The following GTF2I variants were observed in gnomAD, a reference collection of about 807,000 sequenced individuals.
GTF2I encodes general transcription factor II-I.
In GTF2I, 12 loss-of-function variants were observed where a neutral mutation model predicts 67.6. The ratio of observed to expected loss-of-function variants is 0.18; its 90% CI spans 0.11 to 0.29. The LOEUF is 0.29. Ranked by LOEUF, GTF2I falls within the 10% of genes least tolerant of loss-of-function variation. The pLI is 1.00. For synonymous variants in GTF2I, 149 were observed against 197.0 expected, an observed-to-expected ratio of 0.76 and a Z score of 2.04; for missense variants, 271 against 580.1, an observed-to-expected ratio of 0.47 and a Z score of 5.47.
chr7:74,693,381 T>C (rs768924855), intron 3 of GTF2I, among the ~76,000 whole-genome samples: 16 of 150,514 alleles, frequency 1.1e-4, no homozygotes, highest in Non-Finnish European at 1.9e-4. Context: ...GTTCAAGGTA[T>C]TGAGATCAGT....
At chr7:74,668,173 C>CTTTTTTTT in intron 1 of GTF2I, among the ~76,000 whole-genome samples, 1 of 92,960 alleles carries the variant, frequency 1.1e-5, no homozygotes, top group Non-Finnish European at 2.0e-5. Flanking sequence ...TGGTGCAGAA[C>CTTTTTTTT]TTTTTTTTTT....
chr7:74,725,785 A>G (rs1159576465), intron 12 of GTF2I, among the ~76,000 whole-genome samples: 5 of 152,130 alleles, frequency 3.3e-5, no homozygotes, highest in South Asian at 4.2e-4. Flanking sequence ...GATATTTTCA[A>G]TATTTTACAG....
At chr7:74,669,683 G>A (rs587652200) in intron 1 of GTF2I, among the ~76,000 whole-genome samples, 6 of 151,526 alleles carry the variant, frequency 4.0e-5, no homozygotes, top group South Asian at 2.1e-4. Flanking sequence ...ACAGGTGCAC[G>A]CCACCATGCC....
At chr7:74,690,911 C>A in intron 2 of GTF2I, 62 bp from the exon 3 acceptor site, 2 of 1,467,792 alleles carry the variant, frequency 1.4e-6, no homozygotes, top group African/African-American at 1.4e-5. Context: ...TTTAATTCAT[C>A]GAGCAGAAAT....
At position 74,699,044 on chromosome 7, in the gene GTF2I, G is replaced by A. The variant is rs1053566327; in HGVS notation, c.322G>A (p.Glu108Lys). ...QANRMSVDAV[E>K]IETLRKTVED... ...AAATCGGATGAGTGTAGATGCTGTA[G>A]AAATTGAAACACTCAGAAAAACAGT... The change falls in exon 4 of 35, where the codon GAA becomes AAA. Residue 108 changes from glutamate (E) to lysine (K), a missense_variant. By Grantham distance (56) the Glu-to-Lys change is moderately conservative. This residue lies in a region of GTF2I where 72 missense variants were observed against 87.4 expected (regional missense o/e 0.82). Transcript: ENST00000573035. 1.9e-6 allele frequency: 3 copies of A among 1,555,130 alleles called. No individual in the cohort carries two copies. The highest frequency in any genetic ancestry group is 2.6e-6 in the Non-Finnish European group (3 of 1,146,770).
intron 1 of GTF2I, among the ~76,000 whole-genome samples, chr7:74,674,967 C>G (rs374211570): frequency 1.3e-3 from 198 of 152,276 alleles, no homozygotes; most frequent in African/African-American, 4.1e-3. Context: ...ATTCTCCTGC[C>G]TCAGTCTCCC....
At chr7:74,664,065 G>A (rs1804755773) in intron 1 of GTF2I, among the ~76,000 whole-genome samples, 2 of 152,050 alleles carry the variant, frequency 1.3e-5, no homozygotes, top group Non-Finnish European at 2.9e-5. Context: ...CTGACCTCAG[G>A]TGATCTGCCC....
intron 12 of GTF2I, among the ~76,000 whole-genome samples, chr7:74,725,053 T>G (rs587597814): frequency 2.1e-4 from 32 of 152,344 alleles, no homozygotes; most frequent in Non-Finnish European, 4.1e-4. Flanking sequence ...AAATGGTTGT[T>G]TATACTTTGG....
At chr7:74,690,474 A>C (rs1437168240) in intron 2 of GTF2I, among the ~76,000 whole-genome samples, 1 of 152,176 alleles carries the variant, frequency 6.6e-6, no homozygotes, top group Non-Finnish European at 1.5e-5. Context: ...TACACAGGGG[A>C]ATACTTCTGG....
intron 1 of GTF2I, among the ~76,000 whole-genome samples, chr7:74,687,033 A>C (rs1344003143): frequency 6.6e-6 from 1 of 150,776 alleles, no homozygotes; most frequent in South Asian, 2.1e-4. Flanking sequence ...GGAATTACAG[A>C]TGGTACACCA....
chr7:74,673,903 T>TC (rs1168633243), intron 1 of GTF2I, among the ~76,000 whole-genome samples: 2 of 151,602 alleles, frequency 1.3e-5, no homozygotes, highest in Non-Finnish European at 2.9e-5. Flanking sequence ...ATGGTCTAGA[T>TC]CTCTTGACCT....
rs1054453942 is a variant in GTF2I at position 74,687,512 on chromosome 7, C to G, written c.-5-1612C>G. Reference sequence around the variant, plus strand: ...GGCTGGGATTACAGGCGTGAGCCACCACGCCCAGTGGATTATGGTTTTTAT... The same window carrying G: ...GGCTGGGATTACAGGCGTGAGCCACGACGCCCAGTGGATTATGGTTTTTAT... On this transcript the variant is annotated intron_variant, in intron 1 of 34. Coordinates refer to ENST00000573035, the MANE Select transcript of GTF2I (RefSeq NM_032999.4). 70 of 980,440 alleles carry G rather than the reference C, an allele frequency of 7.1e-5. No individual in the cohort carries two copies. The African/African-American group carries it at 1.0e-3, about 14-fold the overall frequency. 60.7% of individuals were successfully genotyped at this position (980,440 alleles called of 1,614,324 possible). A position where few individuals can be genotyped will look rare whatever the true frequency, so the allele number is the denominator to read the frequency against.
intron 1 of GTF2I, among the ~76,000 whole-genome samples, chr7:74,658,619 G>A (rs587651652): frequency 2.5e-4 from 37 of 150,736 alleles, no homozygotes; most frequent in African/African-American, 9.0e-4. Flanking sequence ...CAACCGGCGC[G>A]GGGGCGGGGC....
In GTF2I at chr7:74,712,489, T is replaced by A. The variant is rs1234775304; in HGVS notation, c.763+1380T>A. ...TACTACGTAAATATTCTCCCGGGAG[T>A]GTGTGTGTGTGTGTGTGTGTGTGTG... On this transcript the variant is annotated intron_variant, in intron 9 of 34. Transcript: ENST00000573035. 3.1e-3 allele frequency among the ~76,000 whole-genome samples: 4 copies of A among 1,304 alleles called. No individual in the cohort carries two copies. In the South Asian group the frequency reaches 0.035, roughly 11 times the overall value. 0.9% of individuals were successfully genotyped at this position (1,304 alleles called of 152,430 possible).
intron 6 of GTF2I, among the ~76,000 whole-genome samples, chr7:74,704,064 C>T (rs903812056): frequency 1.9e-4 from 29 of 152,108 alleles, no homozygotes; most frequent in Non-Finnish European, 7.4e-5. Context: ...CTTCTTGTTG[C>T]TCTGACTAGA....
At chr7:74,730,995 C>T (rs1264541710) in intron 14 of GTF2I, among the ~76,000 whole-genome samples, 1 of 140,124 alleles carries the variant, frequency 7.1e-6, no homozygotes, top group Non-Finnish European at 1.5e-5. Flanking sequence ...GCGTGAGCCA[C>T]CCTTCCCGGC....
At chr7:74,680,135 T>C (rs1394536246) in intron 1 of GTF2I, among the ~76,000 whole-genome samples, 13 of 134,278 alleles carry the variant, frequency 9.7e-5, no homozygotes, top group African/African-American at 3.6e-4. Context: ...TGTATGTATA[T>C]ACACATATAT....
intron 1 of GTF2I, among the ~76,000 whole-genome samples, chr7:74,679,009 A>G (rs1263619970): frequency 1.4e-5 from 2 of 144,252 alleles, no homozygotes; most frequent in Admixed American, 7.0e-5. Context: ...TGACCTTGTG[A>G]TTTGCCCACC....
intron 1 of GTF2I, among the ~76,000 whole-genome samples, chr7:74,682,024 G>A (rs2718270): frequency 0.18 from 27,105 of 152,112 alleles, 4,572 homozygotes; most frequent in African/African-American, 0.45. Context: ...CCTTAGGGAG[G>A]ACACCCTTCT....
Sources: gnomAD v4.1 joint callset for allele counts (sites outside exome capture counted in the v4.1 genomes callset) on GRCh38, gnomAD v4.1.1 for gene constraint, gnomAD v4.1.1 regional missense constraint, MANE v1.5 for transcripts, NCBI Gene and HGNC (gene_info 2026-07-23, HGNC 2026-07-21) for gene names.